KIAA0319L: variants seen among roughly 807,000 people sequenced by gnomAD.
The protein encoded by KIAA0319L is KIAA0319 like.
Under a neutral mutation model 120.1 loss-of-function variants are expected in KIAA0319L, and 55 were observed. That is an observed-to-expected ratio of 0.46 (90% CI 0.37 to 0.57). The LOEUF is 0.57. Ranked by LOEUF, KIAA0319L falls within the 20% of genes least tolerant of loss-of-function variation. KIAA0319L has a pLI of 0.00. For synonymous variants in KIAA0319L, 398 were observed against 471.9 expected, an observed-to-expected ratio of 0.84 and a Z score of 2.03; for missense variants, 1,049 against 1,255.3, an observed-to-expected ratio of 0.84 and a Z score of 2.48.
intron 4 of KIAA0319L, among the ~76,000 whole-genome samples, chr1:35,477,145 C>A (rs1444781127): frequency 6.6e-6 from 1 of 152,134 alleles, no homozygotes; most frequent in East Asian, 1.9e-4. Context: ...AGTGAAGAGA[C>A]AACCCACAGA....
chr1:35,549,527 A>G (rs769624797), intron 2 of KIAA0319L, among the ~76,000 whole-genome samples: 4 of 152,212 alleles, frequency 2.6e-5, no homozygotes, highest in Non-Finnish European at 4.4e-5. Flanking sequence ...TCCCAGAGGT[A>G]GGGAAATGTC....
intron 2 of KIAA0319L, chr1:35,510,533 C>T (rs1645390836): frequency 6.6e-6 from 1 of 152,034 alleles, no homozygotes; most frequent in Non-Finnish European, 1.5e-5. Flanking sequence ...GTTCAGAAGG[C>T]AGTCGTTACT....
chr1:35,478,905 G>A, intron 4 of KIAA0319L, 61 bp downstream of exon 4: 2 of 1,565,422 alleles, frequency 1.3e-6, no homozygotes, highest in South Asian at 2.3e-5. Context: ...TCCTCTAAAA[G>A]GGAATACTTT....
Position 35,442,300 on chromosome 1 carries a change from A to G in KIAA0319L, c.2816T>C (p.Val939Ala). ...SVLYVIIATF[V>A]IVVALGILSW... ...CAGGATTCCCAAGGCAACAACAATG[A>G]CAAAGGTAGCAATGATAACATATAA... The change falls in exon 19 of 21, where the codon GTC (valine) becomes GCC (alanine). Residue 939 changes from valine to alanine, a missense_variant. Physicochemically the swap from Val to Ala is moderately conservative, Grantham distance 64. Coordinates refer to ENST00000325722, the MANE Select transcript of KIAA0319L (RefSeq NM_024874.5). The G allele has an allele frequency of 1.2e-6, 2 of 1,614,088 alleles. No individual in the cohort carries two copies. Among genetic ancestry groups the G allele is most frequent in the Non-Finnish European group, 1.7e-6 (2 of 1,179,906 alleles).
rs372271200 is a variant in KIAA0319L at position 35,524,781 on chromosome 1, T to C, written c.143-17646A>G. On this transcript the variant is annotated intron_variant, in intron 2 of 20. Coordinates refer to ENST00000325722, the MANE Select transcript of KIAA0319L (RefSeq NM_024874.5). Reference sequence around the variant, plus strand: ...TTTGTTACATGCATAGAATGTGCAGTGATCAAGTCAGGGTATTTAGGATAT... The same window carrying C: ...TTTGTTACATGCATAGAATGTGCAGCGATCAAGTCAGGGTATTTAGGATAT... Among the ~76,000 whole-genome samples, 18 of 152,356 alleles carry C rather than the reference T, an allele frequency of 1.2e-4. No individual in the cohort carries two copies. In the East Asian group the frequency reaches 3.1e-3, roughly 26 times the overall value.
intron 1 of KIAA0319L, among the ~76,000 whole-genome samples, chr1:35,556,165 C>A (rs1436115062): frequency 6.6e-6 from 1 of 152,216 alleles, no homozygotes; most frequent in South Asian, 2.1e-4. Context: ...GAGAAGCTCA[C>A]AATAGTTCTG....
At chr1:35,469,131 C>T (rs529692120) in intron 6 of KIAA0319L, among the ~76,000 whole-genome samples, 6 of 152,268 alleles carry the variant, frequency 3.9e-5, no homozygotes, top group Non-Finnish European at 5.9e-5. Context: ...TGGGCTCAAG[C>T]GATCCTCCCA....
At chr1:35,470,796 G>T in intron 6 of KIAA0319L, 67 bp downstream of exon 6, 2 of 946,580 alleles carry the variant, frequency 2.1e-6, no homozygotes, top group South Asian at 1.3e-5. Context: ...AAAATTATAT[G>T]ATATTCATTT....
In KIAA0319L at chr1:35,506,939, G is replaced by A; in HGVS notation, c.339C>T (p.Pro113=). ...GTGTCCTAAAAGCCCGGCAGCTCTG[G>A]GGCCTGCTGCAGTCTGCCTGAATGC... is the stretch of plus-strand genomic sequence containing the variant. ...GMCIQADCSR[P]QSCRAFRTHS... Residue 113 remains proline (P), a synonymous_variant, in exon 3 of 21, where the codon CCC becomes CCT. Coordinates refer to ENST00000325722, the MANE Select transcript of KIAA0319L (RefSeq NM_024874.5). This position sits in a 1 kb window ranked among gnomAD's most constrained non-coding sequence, Gnocchi z 4.0. The A allele has an allele frequency of 1.2e-6, 2 of 1,614,002 alleles. No homozygotes were observed. Among genetic ancestry groups the A allele is most frequent in the South Asian group, 1.1e-5 (1 of 91,064 alleles).
intron 2 of KIAA0319L, among the ~76,000 whole-genome samples, chr1:35,544,368 C>CAAAAAAAA (rs748228266): frequency 1.9e-5 from 1 of 53,204 alleles, no homozygotes; most frequent in South Asian, 6.0e-4. Flanking sequence ...GACTCAATCT[C>CAAAAAAAA]AAAAAAAAAA....
rs775336331 is a variant in KIAA0319L at position 35,453,599 on chromosome 1, G to A, written c.1871C>T (p.Ser624Leu). The change falls in exon 12 of 21, where the codon TCA becomes TTA. Residue 624 changes from serine (S) to leucine (L), a missense_variant. Ser to Leu is a moderately radical substitution (Grantham distance 145). Coordinates refer to ENST00000325722, the MANE Select transcript of KIAA0319L (RefSeq NM_024874.5). The surrounding 1 kb of genome is among the most constrained non-coding windows in gnomAD (Gnocchi z 4.1). ...ATATGAGATAATTTTCTGATCATCT[G>A]AGCTCTTGCTGCCATCCAGGGTTGT... ...DSTTLDGSKS[S>L]DDQKIISYLW... 14 of 1,614,060 alleles carry A rather than the reference G, an allele frequency of 8.7e-6. No individual in the cohort carries two copies. The East Asian group carries it at 3.1e-4, about 36-fold the overall frequency.
chr1:35,481,817 T>G (rs1355264223), intron 3 of KIAA0319L, among the ~76,000 whole-genome samples: 2 of 113,172 alleles, frequency 1.8e-5, no homozygotes, highest in African/African-American at 7.0e-5. Context: ...GCTGTTTCTT[T>G]TTTTTTTTTT....
intron 3 of KIAA0319L, among the ~76,000 whole-genome samples, chr1:35,484,623 CTTTCA>C (rs901544209): frequency 4.0e-5 from 6 of 151,540 alleles, no homozygotes; most frequent in Admixed American, 2.0e-4. Context: ...ATCTCTATTT[CTTTCA>C]TTTCTTTTTC....
intron 2 of KIAA0319L, among the ~76,000 whole-genome samples, chr1:35,537,268 CGG>C (rs1646612356): frequency 6.6e-6 from 1 of 151,986 alleles, no homozygotes; most frequent in South Asian, 2.1e-4. Context: ...CAGTTATTAC[CGG>C]CTGATAAATT....
intron 15 of KIAA0319L, among the ~76,000 whole-genome samples, chr1:35,448,729 T>C (rs1641827709): frequency 6.6e-6 from 1 of 152,180 alleles, no homozygotes; most frequent in Non-Finnish European, 1.5e-5. Context: ...TCACATCTGA[T>C]TTTCAGTGCC....
chr1:35,554,604 G>T, intron 1 of KIAA0319L, 85 bp from the exon 2 acceptor site: 2 of 992,490 alleles, frequency 2.0e-6, no homozygotes, highest in Non-Finnish European at 2.9e-6. Context: ...AAATATGACA[G>T]ATTAGGGGAA....
Position 35,457,502 on chromosome 1 carries a change from A to C in KIAA0319L, c.1428-1261T>G, listed in dbSNP as rs1270039687. ...AGTGAGACACAGGATTTGCAAAAAA[A>C]AAAAAAAAGAAAGAAAGAAAATAAA... On this transcript the variant is annotated intron_variant, in intron 9 of 20. Coordinates refer to ENST00000325722, the MANE Select transcript of KIAA0319L (RefSeq NM_024874.5). 5.3e-5 allele frequency among the ~76,000 whole-genome samples: 8 copies of C among 152,038 alleles called. No individual in the cohort carries two copies. The South Asian group carries it at 1.0e-3, about 20-fold the overall frequency.
intron 2 of KIAA0319L, among the ~76,000 whole-genome samples, chr1:35,549,425 G>A (rs1435612262): frequency 1.3e-5 from 2 of 152,134 alleles, no homozygotes; most frequent in African/African-American, 4.8e-5. Flanking sequence ...TAGTCTAGAA[G>A]CAGACTCCTA....
At position 35,474,819 on chromosome 1, in the gene KIAA0319L, T is replaced by C; in HGVS notation, c.1001A>G (p.Gln334Arg). ...GGGATGTTTACCTTTAGGTGGTTCT[T>C]GGAGAACATATGCATTTAATTGAAC... ...NEVQLNAYVL[Q>R]EPPKGETYTY... Residue 334 changes from glutamine to arginine, a missense_variant, in exon 5 of 21, where the codon CAA becomes CGA. Gln to Arg is a conservative substitution (Grantham distance 43). Transcript: ENST00000325722. The C allele has an allele frequency of 6.2e-7, 1 of 1,600,402 alleles. No homozygotes were observed. The highest frequency in any genetic ancestry group is 8.6e-7 in the Non-Finnish European group (1 of 1,168,042).
Sources: gnomAD v4.1 joint callset for allele counts (sites outside exome capture counted in the v4.1 genomes callset) on GRCh38, gnomAD v4.1.1 for gene constraint, Gnocchi (gnomAD v3.1) non-coding constraint, MANE v1.5 for transcripts, NCBI Gene and HGNC (gene_info 2026-07-23, HGNC 2026-07-21) for gene names.